Variants in MICU1 observed in about 807,000 individuals in gnomAD.
MICU1 encodes the protein mitochondrial calcium uptake 1, also known as calcium uptake protein 1, mitochondrial.
Under a neutral mutation model 56.8 loss-of-function variants are expected in MICU1, and 45 were observed. That is an observed-to-expected ratio of 0.79 (90% CI 0.62 to 1.02). The LOEUF is 1.02. Ranked by LOEUF, MICU1 falls within the 50% of genes least tolerant of loss-of-function variation. The pLI is 0.00. For synonymous variants in MICU1, 186 were observed against 195.1 expected (o/e 0.95, Z 0.39); for missense variants, 504 against 587.1 (o/e 0.86, Z 1.46).
rs1862184478 is a variant in MICU1, at chr10:72,367,426, G to T, written c.*769C>A. 1 of 152,366 alleles carries T rather than the reference G, an allele frequency of 6.6e-6. No homozygotes were observed. Among genetic ancestry groups the T allele is most frequent in the Non-Finnish European group, 1.5e-5 (1 of 68,054 alleles). 9.4% of individuals were successfully genotyped at this position (152,366 alleles called of 1,614,324 possible). A position where few individuals can be genotyped will look rare whatever the true frequency, so the allele number is the denominator to read the frequency against. On this transcript the variant is annotated 3_prime_UTR_variant, in exon 12 of 12. Transcript: ENST00000361114. ...CAGAGGGCAAACAGGCTCTGAGCCA[G>T]GCCTCAGCTTTAGAGGCCCATCCTG...
intron 1 of MICU1, among the ~76,000 whole-genome samples, chr10:72,593,522 CAAA>C (rs56135700): frequency 3.0e-5 from 4 of 131,580 alleles, no homozygotes; most frequent in Non-Finnish European, 1.6e-5. Context: ...ACTCTGTCTC[CAAA>C]AAAAAAAAAA....
chr10:72,598,547 T>G (rs190035189), intron 1 of MICU1, among the ~76,000 whole-genome samples: 2 of 152,202 alleles, frequency 1.3e-5, no homozygotes, highest in Non-Finnish European at 1.5e-5. Context: ...TCAGCCACCG[T>G]GCCGGGCCTC....
intron 1 of MICU1, among the ~76,000 whole-genome samples, chr10:72,570,373 A>G (rs116695769): frequency 2.0e-3 from 303 of 152,284 alleles, no homozygotes; most frequent in African/African-American, 7.0e-3. Flanking sequence ...AGTCTAGCAC[A>G]GGACTTGTTA....
chr10:72,402,099 A>G (rs1457143176), intron 10 of MICU1, among the ~76,000 whole-genome samples: 3 of 152,098 alleles, frequency 2.0e-5, no homozygotes, highest in Admixed American at 6.5e-5. Flanking sequence ...AAGAATGTCT[A>G]TCAGTCTCAT....
intron 8 of MICU1, among the ~76,000 whole-genome samples, chr10:72,443,830 T>C (rs1202706863): frequency 6.6e-6 from 1 of 151,824 alleles, no homozygotes; most frequent in Non-Finnish European, 1.5e-5. Flanking sequence ...CTCAGGGATC[T>C]AGAACTAGAA....
intron 10 of MICU1, 116 bp downstream of exon 10, chr10:72,407,813 C>T: frequency 1.6e-6 from 1 of 632,506 alleles, no homozygotes; most frequent in Admixed American, 3.1e-5. Flanking sequence ...AATCAAAACA[C>T]CATTTCAAGG....
intron 11 of MICU1, among the ~76,000 whole-genome samples, chr10:72,374,567 G>T (rs1249812763): frequency 1.3e-5 from 2 of 152,134 alleles, no homozygotes; most frequent in South Asian, 4.1e-4. Flanking sequence ...CCCTTAAAAA[G>T]CTCAGGGAAC....
At chr10:72,507,488 GC>G (rs1867292809) in intron 6 of MICU1, among the ~76,000 whole-genome samples, 2 of 152,152 alleles carry the variant, frequency 1.3e-5, no homozygotes, top group African/African-American at 4.8e-5. Flanking sequence ...GGTCAACCAA[GC>G]CAATTTTCTT....
Position 72,614,744 on chromosome 10 carries a change from G to A in MICU1, c.-2+11266C>T, listed in dbSNP as rs1841936778. Among the ~76,000 whole-genome samples the A allele has an allele frequency of 3.9e-5, 6 of 152,318 alleles. 1 individual carries two copies. The South Asian group carries it at 1.2e-3, about 32-fold the overall frequency. On this transcript the variant is annotated intron_variant, in intron 1 of 11. Coordinates refer to ENST00000361114, the MANE Select transcript of MICU1 (RefSeq NM_001195518.2). ...TCATAGAGACAGAAAGTAGAATGAT[G>A]GATGCCAGAGGTTTCAGGGAGAGGG...
chr10:72,445,052 T>C (rs1258160951), intron 8 of MICU1, among the ~76,000 whole-genome samples: 1 of 152,194 alleles, frequency 6.6e-6, no homozygotes, highest in African/African-American at 2.4e-5. Context: ...CTCCATTTGC[T>C]CCTTTGCCTG....
intron 8 of MICU1, among the ~76,000 whole-genome samples, chr10:72,457,123 C>G (rs1434241284): frequency 2.0e-5 from 3 of 151,766 alleles, no homozygotes; most frequent in Non-Finnish European, 4.4e-5. Flanking sequence ...CATGCCCATC[C>G]TAGGGTAATT....
chr10:72,542,502 G>C (rs1839797498), intron 4 of MICU1, among the ~76,000 whole-genome samples: 1 of 152,198 alleles, frequency 6.6e-6, no homozygotes, highest in African/African-American at 2.4e-5. Context: ...ACAAGTGCAG[G>C]AACCAGAGCA....
intron 1 of MICU1, among the ~76,000 whole-genome samples, chr10:72,618,827 A>C (rs1842039483): frequency 6.6e-6 from 1 of 152,204 alleles, no homozygotes; most frequent in African/African-American, 2.4e-5. Context: ...GGCATCTGAA[A>C]TATGTCTAAA....
chr10:72,548,131 C>G (rs1468001484), intron 4 of MICU1, among the ~76,000 whole-genome samples: 1 of 152,158 alleles, frequency 6.6e-6, no homozygotes, highest in African/African-American at 2.4e-5. Flanking sequence ...TAGGAGAAAG[C>G]AACAGATACA....
chr10:72,550,991 T>A (rs763403203), intron 4 of MICU1, among the ~76,000 whole-genome samples, 188 bp downstream of exon 4: 6 of 152,224 alleles, frequency 3.9e-5, no homozygotes, highest in Admixed American at 2.6e-4. Flanking sequence ...TGGTTGCAGA[T>A]TGCCACATTA....
chr10:72,588,829 T>G (rs1331709927), intron 1 of MICU1, among the ~76,000 whole-genome samples: 1 of 152,186 alleles, frequency 6.6e-6, no homozygotes, highest in African/African-American at 2.4e-5. Context: ...TCTTTAGACA[T>G]TAACAAGCTC....
intron 9 of MICU1, among the ~76,000 whole-genome samples, chr10:72,418,492 T>G (rs1000864513): frequency 2.6e-5 from 4 of 152,218 alleles, no homozygotes; most frequent in African/African-American, 7.2e-5. Flanking sequence ...GACCAGACTC[T>G]GAATGGGTTA....
intron 8 of MICU1, among the ~76,000 whole-genome samples, chr10:72,463,207 G>A (rs1434550979): frequency 1.3e-5 from 2 of 152,082 alleles, no homozygotes; most frequent in African/African-American, 4.8e-5. Context: ...GGGATTACAG[G>A]TATGTGCTAC....
intron 8 of MICU1, among the ~76,000 whole-genome samples, chr10:72,451,024 CTTTTTT>C (rs34430004): frequency 1.7e-5 from 2 of 115,016 alleles, no homozygotes; most frequent in African/African-American, 6.7e-5. Flanking sequence ...TCCCTTAAAT[CTTTTTT>C]TTTTTTTTTT....
Sources: gnomAD v4.1 joint callset for allele counts (sites outside exome capture counted in the v4.1 genomes callset) on GRCh38, gnomAD v4.1.1 for gene constraint, MANE v1.5 for transcripts, NCBI Gene and HGNC (gene_info 2026-07-23, HGNC 2026-07-21) for gene names.